SCAF8: variants seen among roughly 807,000 people sequenced by gnomAD.
SCAF8 encodes the protein SR-related and CTD-associated factor 8.
SCAF8 carries 23 observed loss-of-function variants against 140.5 expected under a neutral mutation model. The observed-to-expected ratio is 0.16, with a 90% CI of 0.12 to 0.23. The LOEUF (loss-of-function observed/expected upper bound fraction) is 0.23, where lower values mean the gene tolerates loss of function less well. Among genes scored for constraint, SCAF8 ranks in the 10% least tolerant of loss-of-function variants. The probability of loss-of-function intolerance (pLI) is 1.00; values close to 1 mark genes in which losing one functional copy is unlikely to be tolerated. For synonymous variants in SCAF8, 575 were observed against 528.9 expected (o/e 1.09, Z -1.20); for missense variants, 1,397 against 1,555.7 (o/e 0.90, Z 1.72).
intron 1 of SCAF8, among the ~76,000 whole-genome samples, chr6:154,755,336 C>A (rs1056424604): frequency 6.6e-6 from 1 of 152,136 alleles, no homozygotes; most frequent in East Asian, 1.9e-4. Context: ...TCACTGCAAC[C>A]TCCACCTCCT....
At chr6:154,814,060 A>G (rs1778175485) in intron 12 of SCAF8, among the ~76,000 whole-genome samples, 1 of 152,242 alleles carries the variant, frequency 6.6e-6, no homozygotes, top group Non-Finnish European at 1.5e-5. Context: ...TTACAAGGCT[A>G]GGCATGGTGG....
Position 154,803,656 on chromosome 6 carries a change from T to C in SCAF8, c.863+33T>C, listed in dbSNP as rs376728442. 457 of 1,315,036 alleles carry C rather than the reference T, an allele frequency of 3.5e-4. 1 individual carries two copies. Among genetic ancestry groups the C allele is most frequent in the Admixed American group, 7.0e-4 (40 of 56,744 alleles). 81.5% of individuals were successfully genotyped at this position (1,315,036 alleles called of 1,614,324 possible). Reference sequence around the variant, plus strand: ...TTTTTTCTTTATAGCCATAGTTTTTTTATATTTAGTGGGATGTTGCCATCT... The same window carrying C: ...TTTTTTCTTTATAGCCATAGTTTTTCTATATTTAGTGGGATGTTGCCATCT... On this transcript the variant is annotated intron_variant, in intron 8 of 19. Coordinates refer to ENST00000367178, the MANE Select transcript of SCAF8 (RefSeq NM_014892.5).
At chr6:154,775,409 G>A (rs1024062148) in intron 2 of SCAF8, among the ~76,000 whole-genome samples, 3 of 152,148 alleles carry the variant, frequency 2.0e-5, no homozygotes, top group East Asian at 1.9e-4. Context: ...GTGTGGAAAC[G>A]TGTATTTTTT....
intron 1 of SCAF8, among the ~76,000 whole-genome samples, chr6:154,735,808 C>T (rs1778401818): frequency 6.6e-6 from 1 of 151,886 alleles, no homozygotes; most frequent in Non-Finnish European, 1.5e-5. Flanking sequence ...GCCACTGCGC[C>T]TGGTGTTTCA....
chr6:154,827,214 C>T lies in SCAF8; in HGVS notation c.2114C>T (p.Pro705Leu). The T allele has an allele frequency of 6.2e-7, 1 of 1,605,444 alleles. No individual in the cohort carries two copies. Among genetic ancestry groups the T allele is most frequent in the East Asian group, 2.3e-5 (1 of 44,266 alleles). Residue 705 changes from proline to leucine, a missense_variant, in exon 18 of 20, where the codon CCT becomes CTT. Pro to Leu is a moderately conservative substitution (Grantham distance 98). Around this residue, in one of 5 missense-constraint regions of SCAF8, gnomAD observed 930 missense variants for 874.6 expected, o/e 1.06. Coordinates refer to ENST00000367178, the MANE Select transcript of SCAF8 (RefSeq NM_014892.5). ...PPVPPPVVPP[P>L]TIPPVVPTSL... ...GTTCCCCCACCTGTTGTGCCACCCC[C>T]TACGATTCCACCAGTAGTACCAACA...
intron 12 of SCAF8, among the ~76,000 whole-genome samples, chr6:154,811,339 GCT>G: frequency 6.6e-6 from 1 of 150,762 alleles, no homozygotes; most frequent in East Asian, 1.9e-4. Flanking sequence ...ATATGGAGTC[GCT>G]CTCATTTAAT....
chr6:154,809,918 A>G, intron 11 of SCAF8, 97 bp from the exon 12 acceptor site: 1 of 987,076 alleles, frequency 1.0e-6, no homozygotes, highest in South Asian at 1.4e-5. Context: ...TAAATATAAG[A>G]CAACTTTTTT....
chr6:154,770,388 A>ACACACTCTCTCTCTCTCTCTCTCTCTCT (rs1384942827), intron 1 of SCAF8, among the ~76,000 whole-genome samples: 3 of 141,992 alleles, frequency 2.1e-5, no homozygotes, highest in Admixed American at 7.0e-5. Context: ...ACACACACAC[A>ACACACTCTCTCTCTCTCTCTCTCTCTCT]CTCTCTCTCT....
At chr6:154,763,835 C>G (rs539155394) in intron 1 of SCAF8, among the ~76,000 whole-genome samples, 2 of 152,062 alleles carry the variant, frequency 1.3e-5, no homozygotes, top group Non-Finnish European at 1.5e-5. Context: ...TGTTGGAACA[C>G]ACTGTGCTGA....
chr6:154,733,980 C>T (rs1778337461), intron 1 of SCAF8, 50 bp downstream of exon 1: 5 of 1,484,648 alleles, frequency 3.4e-6, no homozygotes, highest in Non-Finnish European at 3.6e-6. Flanking sequence ...CGCCCCCACC[C>T]CTGGTCGAGG....
At chr6:154,821,611 A>G (rs868230287) in intron 15 of SCAF8, among the ~76,000 whole-genome samples, 1 of 152,170 alleles carries the variant, frequency 6.6e-6, no homozygotes. Flanking sequence ...GGAGAATGTG[A>G]TATTCGAAAG....
chr6:154,805,853 A>G (rs548107859), intron 9 of SCAF8, among the ~76,000 whole-genome samples: 3 of 152,296 alleles, frequency 2.0e-5, no homozygotes, highest in East Asian at 3.9e-4. Context: ...TTCCCTATCA[A>G]GCAAGTTGAT....
intron 1 of SCAF8, among the ~76,000 whole-genome samples, chr6:154,763,817 G>GT (rs1776472988): frequency 6.6e-6 from 1 of 152,074 alleles, no homozygotes; most frequent in African/African-American, 2.4e-5. Context: ...GGTTTTGTAA[G>GT]TAAGTTCTGT....
At chr6:154,776,861 T>C (rs550730073) in intron 2 of SCAF8, among the ~76,000 whole-genome samples, 35 of 152,326 alleles carry the variant, frequency 2.3e-4, no homozygotes, top group African/African-American at 8.2e-4. Context: ...GGGAATGTCC[T>C]TAAAAAGCAT....
chr6:154,811,967 T>A (rs544914991), intron 12 of SCAF8, among the ~76,000 whole-genome samples: 1 of 152,276 alleles, frequency 6.6e-6, no homozygotes, highest in South Asian at 2.1e-4. Flanking sequence ...GTTCCAAATC[T>A]TTGCTACTGT....
intron 1 of SCAF8, among the ~76,000 whole-genome samples, chr6:154,757,508 G>A (rs1410886524): frequency 1.3e-5 from 2 of 152,180 alleles, no homozygotes; most frequent in African/African-American, 2.4e-5. Flanking sequence ...TTGCTAGCTC[G>A]TATTTGGTTG....
At chr6:154,757,851 G>A (rs895129089) in intron 1 of SCAF8, among the ~76,000 whole-genome samples, 1 of 151,310 alleles carries the variant, frequency 6.6e-6, no homozygotes, top group East Asian at 1.9e-4. Context: ...GGCATTTGTT[G>A]ATTGTTTTTT....
rs773988265 is a variant in SCAF8 at position 154,832,903 on chromosome 6, G to T, written c.3324G>T (p.Pro1108=). The T allele has an allele frequency of 1.9e-6, 3 of 1,613,904 alleles. No individual in the cohort carries two copies. The African/African-American group carries it at 4.0e-5, about 22-fold the overall frequency. Residue 1108 remains proline, a synonymous_variant, in exon 20 of 20, where the codon CCG becomes CCT. Transcript: ENST00000367178. ...ATGAGAGAGAGCATCGGGTTCTACC[G>T]GTCTATGGTGGTCCAAAAGGCTTAC... ...DFDEREHRVL[P]VYGGPKGLHE...
At chr6:154,770,386 A>ACTCTCTCTCT (rs1195298497) in intron 1 of SCAF8, among the ~76,000 whole-genome samples, 2 of 133,428 alleles carry the variant, frequency 1.5e-5, no homozygotes, top group Non-Finnish European at 3.2e-5. Flanking sequence ...ACACACACAC[A>ACTCTCTCTCT]CACTCTCTCT....
Sources: gnomAD v4.1 joint callset for allele counts (sites outside exome capture counted in the v4.1 genomes callset) on GRCh38, gnomAD v4.1.1 for gene constraint, gnomAD v4.1.1 regional missense constraint, MANE v1.5 for transcripts, NCBI Gene and HGNC (gene_info 2026-07-23, HGNC 2026-07-21) for gene names.